The following USH2A variants were observed in gnomAD, a reference collection of about 807,000 sequenced individuals.
USH2A encodes the protein usherin.
In USH2A, 443 loss-of-function variants were observed where a neutral mutation model predicts 538.9. That is an observed-to-expected ratio of 0.82 (90% CI 0.76 to 0.89). USH2A has a LOEUF of 0.89. USH2A is among the 40% of genes least tolerant of loss of function. USH2A has a pLI of 0.00. For synonymous variants in USH2A, 2,413 were observed against 2,273.5 expected (o/e 1.06, Z -1.75); for missense variants, 6,633 against 6,324.8 (o/e 1.05, Z -1.65).
At chr1:216,011,310 GGA>G (rs1668562135) in intron 32 of USH2A, among the ~76,000 whole-genome samples, 1 of 151,964 alleles carries the variant, frequency 6.6e-6, no homozygotes, top group South Asian at 2.1e-4. Context: ...GCTTTCACTT[GGA>G]CTGACCCTGA....
intron 21 of USH2A, among the ~76,000 whole-genome samples, chr1:216,103,798 A>G (rs1012323025): frequency 6.6e-6 from 1 of 152,214 alleles, no homozygotes; most frequent in East Asian, 1.9e-4. Context: ...ATATTTGCTC[A>G]TGAGAAAGAT....
intron 36 of USH2A, 124 bp downstream of exon 36, chr1:215,970,501 A>T: frequency 8.2e-7 from 1 of 1,223,646 alleles, no homozygotes; most frequent in Non-Finnish European, 1.2e-6. Context: ...TAAAAAGAAA[A>T]ATCTCCCATC....
intron 21 of USH2A, among the ~76,000 whole-genome samples, chr1:216,098,010 G>T (rs12096609): frequency 6.6e-5 from 6 of 90,484 alleles, no homozygotes; most frequent in East Asian, 6.3e-4. Context: ...TGATGCCTTC[G>T]CCCTACCATT....
chr1:216,349,507 T>A (rs1414123922), intron 4 of USH2A, among the ~76,000 whole-genome samples: 1 of 152,086 alleles, frequency 6.6e-6, no homozygotes, highest in African/African-American at 2.4e-5. Flanking sequence ...ATAAAACAGA[T>A]TGCAGTAAAG....
intron 21 of USH2A, among the ~76,000 whole-genome samples, chr1:216,165,246 T>C (rs555224325): frequency 6.3e-4 from 96 of 152,248 alleles, no homozygotes; most frequent in African/African-American, 2.3e-3. Context: ...GCCCTAATGA[T>C]ATGTATAGGT....
intron 38 of USH2A, among the ~76,000 whole-genome samples, chr1:215,918,067 C>T (rs566639741): frequency 1.3e-5 from 2 of 152,042 alleles, no homozygotes; most frequent in Middle Eastern, 3.4e-3. Context: ...TTCTAAGATA[C>T]AATCAAATAC....
At chr1:216,004,882 G>T (rs1353712967) in intron 32 of USH2A, among the ~76,000 whole-genome samples, 1 of 152,078 alleles carries the variant, frequency 6.6e-6, no homozygotes, top group Non-Finnish European at 1.5e-5. Context: ...GTAATGGGAG[G>T]GGATGCAGAC....
At chr1:215,893,627 A>G (rs1665257592) in intron 40 of USH2A, among the ~76,000 whole-genome samples, 1 of 152,114 alleles carries the variant, frequency 6.6e-6, no homozygotes, top group Non-Finnish European at 1.5e-5. Flanking sequence ...ATTATTTTTC[A>G]TTAATTTCTT....
intron 64 of USH2A, among the ~76,000 whole-genome samples, chr1:215,664,334 A>G (rs546705094): frequency 2.1e-4 from 32 of 152,232 alleles, no homozygotes; most frequent in Non-Finnish European, 4.3e-4. Context: ...TCAATGAGAG[A>G]CACAACTAAT....
chr1:216,044,621 A>G (rs2030432535), intron 32 of USH2A, among the ~76,000 whole-genome samples: 1 of 152,160 alleles, frequency 6.6e-6, no homozygotes. Flanking sequence ...TTTTATATAT[A>G]GTTCTAATTC....
At chr1:215,992,811 T>C (rs941084969) in intron 35 of USH2A, among the ~76,000 whole-genome samples, 4 of 152,108 alleles carry the variant, frequency 2.6e-5, no homozygotes, top group Non-Finnish European at 4.4e-5. Flanking sequence ...ACACAAAAAC[T>C]ATCAAAAGGG....
At chr1:216,306,064 A>G (rs1422771223) in intron 9 of USH2A, among the ~76,000 whole-genome samples, 1 of 152,134 alleles carries the variant, frequency 6.6e-6, no homozygotes, top group Non-Finnish European at 1.5e-5. Context: ...GATCTCTAGC[A>G]AGGTTGGGGA....
chr1:215,671,341 T>C (rs1186619672), intron 63 of USH2A, 48 bp from the exon 64 acceptor site: 1 of 1,591,762 alleles, frequency 6.3e-7, no homozygotes, highest in Non-Finnish European at 8.6e-7. Context: ...AAATAGATTT[T>C]CATGGGAAGA....
At chr1:216,401,864 G>C (rs968819300) in intron 3 of USH2A, among the ~76,000 whole-genome samples, 2 of 152,026 alleles carry the variant, frequency 1.3e-5, no homozygotes, top group African/African-American at 4.8e-5. Flanking sequence ...GACGTCAACA[G>C]CAAACTCTCA....
At chr1:216,112,113 A>G (rs904519695) in intron 21 of USH2A, among the ~76,000 whole-genome samples, 1 of 152,146 alleles carries the variant, frequency 6.6e-6, no homozygotes, top group African/African-American at 2.4e-5. Flanking sequence ...GAATAACAAA[A>G]TCTCCATTGA....
chr1:216,220,580 C>T (rs12062004), intron 14 of USH2A, among the ~76,000 whole-genome samples: 2,264 of 149,214 alleles, frequency 0.015, 65 homozygotes, highest in African/African-American at 0.051. Flanking sequence ...CCAGGGAAGT[C>T]GGGGAGGGGC....
At chr1:216,240,711 C>T (rs971995906) in intron 13 of USH2A, among the ~76,000 whole-genome samples, 3 of 152,096 alleles carry the variant, frequency 2.0e-5, no homozygotes, top group Admixed American at 6.6e-5. Context: ...CCTCAAATTA[C>T]TTCCCTCCTT....
intron 61 of USH2A, among the ~76,000 whole-genome samples, chr1:215,694,398 C>G (rs986419547): frequency 2.0e-5 from 3 of 152,138 alleles, no homozygotes; most frequent in African/African-American, 7.2e-5. Context: ...ACTGTGAAAC[C>G]CCGTTTCTAC....
At chr1:216,242,082 C>T (rs2035948987) in intron 13 of USH2A, among the ~76,000 whole-genome samples, 2 of 151,688 alleles carry the variant, frequency 1.3e-5, no homozygotes, top group South Asian at 4.2e-4. Context: ...ACTTGCATAA[C>T]TACAATAATA....
Sources: allele counts gnomAD v4.1 joint callset (sites outside exome capture counted in the v4.1 genomes callset), GRCh38; gene constraint gnomAD v4.1.1; transcripts MANE v1.5; gene names NCBI Gene and HGNC (gene_info 2026-07-23, HGNC 2026-07-21).